ZNF804B: variants seen among roughly 807,000 people sequenced by gnomAD.
ZNF804B encodes zinc finger protein 804B, also known as zinc finger 804B.
Under a neutral mutation model 101.4 loss-of-function variants are expected in ZNF804B, and 80 were observed. That is an observed-to-expected ratio of 0.79 (90% CI 0.66 to 0.95). The LOEUF is 0.95. Ranked by LOEUF, ZNF804B falls within the 40% of genes least tolerant of loss-of-function variation. ZNF804B has a pLI of 0.00. For synonymous variants in ZNF804B, 622 were observed against 558.8 expected (o/e 1.11, Z -1.59); for missense variants, 1,673 against 1,561.9 (o/e 1.07, Z -1.20).
chr7:88,994,443 C>T (rs1480429864), intron 1 of ZNF804B, among the ~76,000 whole-genome samples: 2 of 152,010 alleles, frequency 1.3e-5, no homozygotes, highest in Admixed American at 6.6e-5. Context: ...TTTCATGACA[C>T]AATCAATTTG....
At chr7:88,965,265 A>G (rs1793438217) in intron 1 of ZNF804B, among the ~76,000 whole-genome samples, 1 of 151,388 alleles carries the variant, frequency 6.6e-6, no homozygotes. Context: ...ATGTGTTCAG[A>G]GGACTTGCAG....
At chr7:88,837,926 GTTAT>G (rs1402068070) in intron 1 of ZNF804B, among the ~76,000 whole-genome samples, 11 of 151,572 alleles carry the variant, frequency 7.3e-5, no homozygotes, top group Admixed American at 5.9e-4. Context: ...ACTAAAATGT[GTTAT>G]TTATTTAAAA....
chr7:89,052,184 C>T (rs978939681), intron 1 of ZNF804B, among the ~76,000 whole-genome samples: 1 of 152,076 alleles, frequency 6.6e-6, no homozygotes, highest in African/African-American at 2.4e-5. Flanking sequence ...GTCACCAAGG[C>T]TGGAATGCAG....
At chr7:89,283,074 G>A (rs1790124973) in intron 2 of ZNF804B, among the ~76,000 whole-genome samples, 3 of 152,050 alleles carry the variant, frequency 2.0e-5, no homozygotes, top group African/African-American at 4.8e-5. Flanking sequence ...AAAATTAATT[G>A]TCTCCATAAT....
intron 1 of ZNF804B, among the ~76,000 whole-genome samples, chr7:88,990,068 ATTAC>A (rs1463289964): frequency 6.6e-6 from 1 of 152,020 alleles, no homozygotes; most frequent in Non-Finnish European, 1.5e-5. Flanking sequence ...GATAACTAAT[ATTAC>A]TTAGTTGTCC....
At position 88,762,487 on chromosome 7, in the gene ZNF804B, A is replaced by AT. The variant is rs1789913774; in HGVS notation, c.108+2404dup. 2.0e-5 allele frequency among the ~76,000 whole-genome samples: 3 copies of AT among 152,212 alleles called. No homozygotes were observed. The South Asian group carries it at 6.2e-4, about 31-fold the overall frequency. The stretch of plus-strand genomic sequence containing the variant: ...ACACTTGAAAACTTTCCTAATCTAG[A>AT]TAAATGTGTGTTTGCCTTCCTTACT... On this transcript the variant is annotated intron_variant, in intron 1 of 3. Coordinates refer to ENST00000333190, the MANE Select transcript of ZNF804B (RefSeq NM_181646.5).
intron 1 of ZNF804B, among the ~76,000 whole-genome samples, chr7:88,824,983 C>T (rs1389158043): frequency 6.6e-6 from 1 of 152,132 alleles, no homozygotes; most frequent in Non-Finnish European, 1.5e-5. Flanking sequence ...TCCAAATGAT[C>T]CTGGCTTTGA....
chr7:89,330,206 T>C (rs1464775346), intron 3 of ZNF804B, among the ~76,000 whole-genome samples: 2 of 151,684 alleles, frequency 1.3e-5, no homozygotes, highest in Non-Finnish European at 3.0e-5. Flanking sequence ...AATGCAACTG[T>C]GGTTTCAAGG....
chr7:89,284,883 T>A (rs552727026), intron 2 of ZNF804B, among the ~76,000 whole-genome samples: 1 of 151,920 alleles, frequency 6.6e-6, no homozygotes, highest in South Asian at 2.1e-4. Flanking sequence ...TGGCAGCAGA[T>A]GAGTTCTGAG....
At chr7:88,916,088 C>T (rs1192144914) in intron 1 of ZNF804B, among the ~76,000 whole-genome samples, 1 of 151,986 alleles carries the variant, frequency 6.6e-6, no homozygotes, top group Non-Finnish European at 1.5e-5. Context: ...AATGAAAACT[C>T]TTGTGAGAAA....
intron 1 of ZNF804B, among the ~76,000 whole-genome samples, chr7:89,150,937 A>G (rs1344826706): frequency 6.6e-6 from 1 of 152,108 alleles, no homozygotes. Flanking sequence ...AAGCACTTAA[A>G]TAACTGAACT....
At chr7:88,819,031 A>G (rs1790930636) in intron 1 of ZNF804B, among the ~76,000 whole-genome samples, 1 of 152,218 alleles carries the variant, frequency 6.6e-6, no homozygotes, top group Non-Finnish European at 1.5e-5. Flanking sequence ...TTATTTAAAT[A>G]AACAGCAGCA....
At chr7:89,233,610 A>G (rs762152835) in intron 2 of ZNF804B, among the ~76,000 whole-genome samples, 2 of 151,948 alleles carry the variant, frequency 1.3e-5, no homozygotes, top group Non-Finnish European at 2.9e-5. Flanking sequence ...AGGCTGGAGG[A>G]ACACTGAAAA....
intron 1 of ZNF804B, among the ~76,000 whole-genome samples, chr7:89,042,822 T>C (rs1470415408): frequency 6.6e-6 from 1 of 152,164 alleles, no homozygotes; most frequent in Non-Finnish European, 1.5e-5. Flanking sequence ...CAAAAATAGT[T>C]CAAAACATTT....
At chr7:89,015,040 T>C (rs1788524454) in intron 1 of ZNF804B, among the ~76,000 whole-genome samples, 1 of 152,140 alleles carries the variant, frequency 6.6e-6, no homozygotes, top group Non-Finnish European at 1.5e-5. Flanking sequence ...AAGTAAGAAA[T>C]GGAGGTCTGC....
chr7:88,802,718 A>G (rs1212241496), intron 1 of ZNF804B, among the ~76,000 whole-genome samples: 5 of 148,502 alleles, frequency 3.4e-5, no homozygotes, highest in African/African-American at 9.8e-5. Context: ...CATAATGAAC[A>G]GGAAAAAAAA....
chr7:88,848,484 G>A (rs890659015), intron 1 of ZNF804B, among the ~76,000 whole-genome samples: 2 of 152,142 alleles, frequency 1.3e-5, no homozygotes, highest in African/African-American at 4.8e-5. Context: ...TTTTCCTGGA[G>A]TTGTGCAGTG....
At chr7:89,017,320 C>A (rs1197950546) in intron 1 of ZNF804B, among the ~76,000 whole-genome samples, 1 of 152,146 alleles carries the variant, frequency 6.6e-6, no homozygotes, top group African/African-American at 2.4e-5. Flanking sequence ...TAATTGAATA[C>A]ACTTTATTTC....
At chr7:89,141,619 T>G (rs1790719331) in intron 1 of ZNF804B, among the ~76,000 whole-genome samples, 1 of 151,956 alleles carries the variant, frequency 6.6e-6, no homozygotes. Flanking sequence ...TATGTTTAAC[T>G]TTTTTGAGGA....
Sources: allele counts gnomAD v4.1 joint callset (sites outside exome capture counted in the v4.1 genomes callset), GRCh38; gene constraint gnomAD v4.1.1; transcripts MANE v1.5; gene names NCBI Gene and HGNC (gene_info 2026-07-23, HGNC 2026-07-21).